Variants in KLF12 observed in about 807,000 individuals in gnomAD.
KLF12 encodes the protein Krueppel-like factor 12.
Under a neutral mutation model 37.8 loss-of-function variants are expected in KLF12, and 9 were observed. That is an observed-to-expected ratio of 0.24 (90% CI 0.14 to 0.42). The LOEUF is 0.42. KLF12 is among the 10% of genes least tolerant of loss of function. The pLI is 1.00. For missense variants in KLF12, 411 were observed against 516.0 expected (o/e 0.80, Z 1.97); for synonymous variants, 208 against 202.1 (o/e 1.03, Z -0.25).
chr13:73,859,843 T>C (rs1885822243), intron 3 of KLF12, among the ~76,000 whole-genome samples: 1 of 151,992 alleles, frequency 6.6e-6, no homozygotes, highest in Non-Finnish European at 1.5e-5. Flanking sequence ...AAAAACCTCA[T>C]TAGATTTGAA....
At chr13:73,851,250 G>C (rs1949703045) in intron 3 of KLF12, among the ~76,000 whole-genome samples, 1 of 152,182 alleles carries the variant, frequency 6.6e-6, no homozygotes, top group South Asian at 2.1e-4. Flanking sequence ...TTGACTCACT[G>C]AATGTAGCGT....
chr13:74,134,669 G>C (rs1427173282), upstream of KLF12, among the ~76,000 whole-genome samples: 1 of 152,054 alleles, frequency 6.6e-6, no homozygotes, highest in Non-Finnish European at 1.5e-5. Context: ...TCGGCCGAGG[G>C]GGCCCGCGGG....
chr13:74,216,556 G>A, the KLF12 span, among the ~76,000 whole-genome samples: 221 of 152,314 alleles, frequency 1.5e-3, 2 homozygotes, highest in Middle Eastern at 0.024. Context: ...TAGTGCTTCT[G>A]CGTTCTTCAA....
the KLF12 span, among the ~76,000 whole-genome samples, chr13:74,268,059 G>T: frequency 6.6e-6 from 1 of 152,162 alleles, no homozygotes; most frequent in African/African-American, 2.4e-5. Flanking sequence ...TCTTGATTCT[G>T]ACTTCTGGAC....
the KLF12 span, among the ~76,000 whole-genome samples, chr13:74,192,721 A>G: frequency 6.6e-6 from 1 of 152,236 alleles, no homozygotes; most frequent in East Asian, 1.9e-4. Context: ...AGGAGGCACA[A>G]GTAGAAATTA....
At chr13:73,918,188 A>C (rs1361773422) in intron 3 of KLF12, among the ~76,000 whole-genome samples, 1 of 152,164 alleles carries the variant, frequency 6.6e-6, no homozygotes, top group Non-Finnish European at 1.5e-5. Flanking sequence ...GAACCAAGGA[A>C]CCAGCTCAAA....
intron 2 of KLF12, among the ~76,000 whole-genome samples, chr13:73,993,537 A>G (rs1298851025): frequency 6.6e-6 from 1 of 152,212 alleles, no homozygotes; most frequent in African/African-American, 2.4e-5. Context: ...CAAAAACATA[A>G]AGAAATACTA....
chr13:74,201,079 G>A, the KLF12 span, among the ~76,000 whole-genome samples: 78 of 152,048 alleles, frequency 5.1e-4, no homozygotes, highest in South Asian at 3.1e-3. Context: ...TGCAGTTTTC[G>A]TTCTCAAAAT....
intron 1 of KLF12, among the ~76,000 whole-genome samples, chr13:74,084,484 G>C (rs925610045): frequency 1.3e-5 from 2 of 152,150 alleles, no homozygotes; most frequent in Non-Finnish European, 1.5e-5. Context: ...TCTGCTTACA[G>C]ATCACTAGAA....
At chr13:73,810,854 T>G (rs1882888902) in intron 5 of KLF12, among the ~76,000 whole-genome samples, 1 of 152,004 alleles carries the variant, frequency 6.6e-6, no homozygotes, top group Non-Finnish European at 1.5e-5. Context: ...AGTCAGGGAT[T>G]AGGAAGATCT....
chr13:73,748,405 C>A (rs1000568166), intron 6 of KLF12, among the ~76,000 whole-genome samples: 2 of 152,142 alleles, frequency 1.3e-5, no homozygotes, highest in African/African-American at 4.8e-5. Flanking sequence ...GCAATGGTAT[C>A]TGGAGATGGG....
At chr13:74,291,834 C>A in the KLF12 span, among the ~76,000 whole-genome samples, 3 of 152,092 alleles carry the variant, frequency 2.0e-5, no homozygotes, top group African/African-American at 4.8e-5. Flanking sequence ...ATTTTGGGCA[C>A]CCATACCTCA....
the KLF12 span, among the ~76,000 whole-genome samples, chr13:74,278,682 G>A: frequency 3.3e-5 from 5 of 152,092 alleles, no homozygotes; most frequent in South Asian, 2.1e-4. Flanking sequence ...ATCTCCACCC[G>A]CTGCCTTTTC....
intron 4 of KLF12, among the ~76,000 whole-genome samples, chr13:73,829,517 A>T (rs1417465578): frequency 1.3e-5 from 2 of 152,204 alleles, no homozygotes; most frequent in Non-Finnish European, 2.9e-5. Context: ...AAATATATAC[A>T]TGTCCACATA....
chr13:73,979,800 G>A (rs1891642866), intron 2 of KLF12, among the ~76,000 whole-genome samples: 1 of 152,104 alleles, frequency 6.6e-6, no homozygotes, highest in Non-Finnish European at 1.5e-5. Context: ...AACCTGTAGA[G>A]CCTCAGAATA....
chr13:74,116,607 T>A (rs1877315816), intron 1 of KLF12, among the ~76,000 whole-genome samples: 1 of 152,196 alleles, frequency 6.6e-6, no homozygotes, highest in African/African-American at 2.4e-5. Flanking sequence ...GTTTAAGATG[T>A]CATAGCAGAA....
chr13:73,728,290 T>C (rs980957605), intron 6 of KLF12, among the ~76,000 whole-genome samples: 2 of 152,228 alleles, frequency 1.3e-5, no homozygotes, highest in African/African-American at 2.4e-5. Flanking sequence ...ATGCAATGAA[T>C]GTTTGTTTAT....
intron 3 of KLF12, among the ~76,000 whole-genome samples, chr13:73,862,279 G>A (rs987477328): frequency 9.2e-5 from 14 of 152,098 alleles, no homozygotes; most frequent in Admixed American, 7.2e-4. Flanking sequence ...TTATAAACCT[G>A]CTGCACATAC....
chr13:74,172,315 C>CA, the KLF12 span, among the ~76,000 whole-genome samples: 4 of 150,514 alleles, frequency 2.7e-5, no homozygotes, highest in East Asian at 3.9e-4. Context: ...TTGAATAGCA[C>CA]AAAAAAACCC....
Sources: gnomAD v4.1 joint callset for allele counts (sites outside exome capture counted in the v4.1 genomes callset) on GRCh38, gnomAD v4.1.1 for gene constraint, MANE v1.5 for transcripts, NCBI Gene and HGNC (gene_info 2026-07-23, HGNC 2026-07-21) for gene names.